SFMBT2: variants seen among roughly 807,000 people sequenced by gnomAD.
The protein encoded by SFMBT2 is scm-like with four MBT domains protein 2.
SFMBT2 carries 38 observed loss-of-function variants against 110.1 expected under a neutral mutation model. The observed-to-expected ratio is 0.35, with a 90% confidence interval of 0.27 to 0.45. The LOEUF (loss-of-function observed/expected upper bound fraction) is 0.45, where lower values mean the gene tolerates loss of function less well. Among genes scored for constraint, SFMBT2 ranks in the 20% least tolerant of loss-of-function variants. The pLI, the probability that SFMBT2 is intolerant of heterozygous loss-of-function variation, is 1.00. For missense variants in SFMBT2, 1,011 were observed against 1,094.9 expected (o/e 0.92, Z 1.08); for synonymous variants, 425 against 425.4 (o/e 1.00, Z 0.01).
chr10:7,386,712 TTC>T lies in SFMBT2; in HGVS notation c.-51-4765_-51-4764del, dbSNP rs560300381. ...TAAACCTGTTGGTAAGAGGAGGAGC[TTC>T]TGTCGCTCCAAAGAGAAGAAATGGA... On this transcript the variant is annotated intron_variant, in intron 1 of 20. Coordinates refer to ENST00000397167, the MANE Select transcript of SFMBT2 (RefSeq NM_001387889.1). Among the ~76,000 whole-genome samples the T allele has an allele frequency of 7.0e-3, 1,066 of 152,330 alleles. 7 individuals are homozygous for T. The highest frequency in any genetic ancestry group is 0.011 in the Non-Finnish European group (758 of 68,032).
chr10:7,212,681 TA>T (rs1786338558), intron 11 of SFMBT2, among the ~76,000 whole-genome samples: 1 of 152,226 alleles, frequency 6.6e-6, no homozygotes, highest in African/African-American at 2.4e-5. Context: ...CTAGCTGTTT[TA>T]TACAGCTGTA....
intron 16 of SFMBT2, among the ~76,000 whole-genome samples, chr10:7,184,107 A>G (rs186619491): frequency 6.6e-6 from 1 of 152,274 alleles, no homozygotes; most frequent in East Asian, 1.9e-4. Context: ...TCCACGTCCA[A>G]GTGCATAGAG....
At chr10:7,406,354 CA>C (rs751014796) in intron 1 of SFMBT2, among the ~76,000 whole-genome samples, 1 of 151,416 alleles carries the variant, frequency 6.6e-6, no homozygotes, top group Non-Finnish European at 1.5e-5. Flanking sequence ...TCTTAGATCC[CA>C]AAAGTATCCT....
chr10:7,332,033 AAAAAG>A (rs1451620755), intron 4 of SFMBT2, among the ~76,000 whole-genome samples: 10 of 143,496 alleles, frequency 7.0e-5, no homozygotes, highest in Non-Finnish European at 3.0e-5. Flanking sequence ...AAAAAAAAAA[AAAAAG>A]GAAAGGTGAA....
Position 7,403,976 on chromosome 10 carries a change from A to G in SFMBT2, c.-52+6885T>C, listed in dbSNP as rs149473097. On this transcript the variant is annotated intron_variant, in intron 1 of 20. Transcript: ENST00000397167. Reference sequence around the variant, plus strand: ...GACTGGATTGGAATGCTCCTAACACAAAGAAATGATACATGCTTGAGGTAA... The same window carrying G: ...GACTGGATTGGAATGCTCCTAACACGAAGAAATGATACATGCTTGAGGTAA... Among the ~76,000 whole-genome samples the G allele has an allele frequency of 4.7e-3, 715 of 152,318 alleles. 8 individuals are homozygous for G. Among genetic ancestry groups the G allele is most frequent in the African/African-American group, 0.016 (668 of 41,566 alleles).
chr10:7,390,256 C>T (rs1845729261), intron 1 of SFMBT2, among the ~76,000 whole-genome samples: 2 of 152,112 alleles, frequency 1.3e-5, no homozygotes, highest in Admixed American at 6.6e-5. Flanking sequence ...ACTGGAGAGC[C>T]GTATTTGAGG....
At chr10:7,183,733 T>C (rs150170428) in intron 16 of SFMBT2, among the ~76,000 whole-genome samples, 26 of 152,308 alleles carry the variant, frequency 1.7e-4, no homozygotes, top group South Asian at 1.0e-3. Flanking sequence ...TAAACAAACA[T>C]TAGCACAAAC....
At chr10:7,356,509 G>A (rs141056141) in intron 4 of SFMBT2, among the ~76,000 whole-genome samples, 51 of 152,144 alleles carry the variant, frequency 3.4e-4, no homozygotes, top group Non-Finnish European at 5.4e-4. Context: ...TCCGCCTCCC[G>A]GGTTCAAGCA....
chr10:7,351,831 T>TA (rs1396704782), intron 4 of SFMBT2, among the ~76,000 whole-genome samples: 4 of 151,510 alleles, frequency 2.6e-5, no homozygotes, highest in Non-Finnish European at 5.9e-5. Context: ...TCTCCACTCA[T>TA]ACGGCCCTTT....
chr10:7,287,740 C>T (rs1842138009), intron 4 of SFMBT2, among the ~76,000 whole-genome samples: 2 of 152,312 alleles, frequency 1.3e-5, no homozygotes, highest in Admixed American at 1.3e-4. Context: ...CTTGATGCAA[C>T]CCTTCCGGCT....
At chr10:7,166,156 C>T (rs1431833927) in intron 20 of SFMBT2, among the ~76,000 whole-genome samples, 1 of 152,212 alleles carries the variant, frequency 6.6e-6, no homozygotes, top group East Asian at 1.9e-4. Context: ...ATCCATAGAA[C>T]AGGAAAGAAT....
rs1232500572 is a variant in SFMBT2, at chr10:7,160,614, T to C, written c.*3156A>G. On this transcript the variant is annotated 3_prime_UTR_variant, in exon 21 of 21. Coordinates refer to ENST00000397167, the MANE Select transcript of SFMBT2 (RefSeq NM_001387889.1). ...ATGCGGGGCATCACTTTTTGGTGTT[T>C]AGACCATGACATTGTTGGCCTAGGG... The C allele has an allele frequency of 6.6e-6, 1 of 152,208 alleles. No homozygotes were observed. Among genetic ancestry groups the C allele is most frequent in the Non-Finnish European group, 1.5e-5 (1 of 68,058 alleles). 9.4% of individuals were successfully genotyped at this position (152,208 alleles called of 1,614,324 possible).
chr10:7,200,294 A>G, intron 14 of SFMBT2, 120 bp downstream of exon 14: 1 of 757,506 alleles, frequency 1.3e-6, no homozygotes, highest in Non-Finnish European at 2.0e-6. Context: ...GTGGCAATGG[A>G]GAAAAACAGA....
intron 9 of SFMBT2, among the ~76,000 whole-genome samples, chr10:7,236,512 G>A (rs890410723): frequency 6.6e-6 from 1 of 152,202 alleles, no homozygotes; most frequent in Non-Finnish European, 1.5e-5. Flanking sequence ...CATGACAGTG[G>A]TGGCATTATA....
In SFMBT2 at chr10:7,164,360, T is replaced by C. The variant is rs540901744; in HGVS notation, c.2545-450A>G. 4.4e-5 allele frequency: 41 copies of C among 926,026 alleles called. No homozygotes were observed. The African/African-American group carries it at 6.8e-4, about 15-fold the overall frequency. The allele number at this position is 926,026 out of a possible 1,614,324, so 57.4% of individuals were successfully genotyped here. A position where few individuals can be genotyped will look rare whatever the true frequency, so the allele number is the denominator to read the frequency against. ...GTGATCATACCACTGCCCTCCAGCC[T>C]GGGCAACACAGCAGGAGACTCTCTA... On this transcript the variant is annotated intron_variant, in intron 20 of 20. Transcript: ENST00000397167.
chr10:7,275,837 C>G (rs1369746057), intron 7 of SFMBT2, among the ~76,000 whole-genome samples: 1 of 152,138 alleles, frequency 6.6e-6, no homozygotes, highest in Non-Finnish European at 1.5e-5. Context: ...CCAGGAAGCC[C>G]ACGTCCCCTA....
intron 11 of SFMBT2, chr10:7,206,694 C>T: frequency 1.3e-6 from 1 of 774,354 alleles, no homozygotes; most frequent in South Asian, 5.8e-5. Context: ...CCATGAAACT[C>T]TGAAAAAGAC....
chr10:7,251,411 T>C (rs895195818), intron 7 of SFMBT2, among the ~76,000 whole-genome samples: 3 of 151,380 alleles, frequency 2.0e-5, no homozygotes, highest in Non-Finnish European at 3.0e-5. Context: ...GAGGCAGAGG[T>C]TGCAATGAGC....
intron 7 of SFMBT2, among the ~76,000 whole-genome samples, chr10:7,253,163 C>A (rs1840870158): frequency 1.3e-5 from 2 of 152,328 alleles, no homozygotes; most frequent in East Asian, 1.9e-4. Flanking sequence ...CCAGCCCTCA[C>A]CCCGGGCACC....
Sources: gnomAD v4.1 joint callset for allele counts (sites outside exome capture counted in the v4.1 genomes callset) on GRCh38, gnomAD v4.1.1 for gene constraint, MANE v1.5 for transcripts, NCBI Gene and HGNC (gene_info 2026-07-23, HGNC 2026-07-21) for gene names.